KNTC1: variants seen among roughly 807,000 people sequenced by gnomAD.
KNTC1 encodes the protein kinetochore-associated protein 1.
Under a neutral mutation model 314.4 loss-of-function variants are expected in KNTC1, and 253 were observed. The observed-to-expected ratio is 0.80, with a 90% CI of 0.73 to 0.89. KNTC1 has a LOEUF of 0.89. Ranked by LOEUF, KNTC1 falls within the 40% of genes least tolerant of loss-of-function variation. KNTC1 has a pLI of 0.00. For missense variants in KNTC1, 2,475 were observed against 2,572.9 expected (o/e 0.96, Z 0.82); for synonymous variants, 901 against 901.4 (o/e 1.00, Z 0.01).
intron 31 of KNTC1, among the ~76,000 whole-genome samples, chr12:122,579,433 C>T (rs1004197926): frequency 6.6e-6 from 1 of 151,988 alleles, no homozygotes; most frequent in African/African-American, 2.4e-5. Flanking sequence ...TTTTTATTGG[C>T]GAGGCACTTA....
At chr12:122,611,019 T>A in intron 53 of KNTC1, 119 bp downstream of exon 53, 1 of 726,168 alleles carries the variant, frequency 1.4e-6, no homozygotes, top group South Asian at 1.7e-5. Flanking sequence ...CACGTACATA[T>A]GTATTCAAAG....
chr12:122,595,152 A>T (rs1947863971), intron 43 of KNTC1, among the ~76,000 whole-genome samples: 1 of 152,256 alleles, frequency 6.6e-6, no homozygotes, highest in African/African-American at 2.4e-5. Context: ...CTGGGATTAT[A>T]GGCGTGAGCC....
intron 63 of KNTC1, among the ~76,000 whole-genome samples, chr12:122,625,806 A>G (rs867215096): frequency 6.6e-6 from 1 of 152,034 alleles, no homozygotes; most frequent in African/African-American, 2.4e-5. Flanking sequence ...CTTTGATCAT[A>G]TTTTGGTAGC....
rs539348313 is a variant in KNTC1 at position 122,547,359 on chromosome 12, G to GA, written c.817-55dup. The GA allele has an allele frequency of 2.4e-3, 2,750 of 1,124,966 alleles. 39 individuals are homozygous for GA. Among genetic ancestry groups the GA allele is most frequent in the South Asian group, 0.016 (1,254 of 76,016 alleles). 69.7% of individuals were successfully genotyped at this position (1,124,966 alleles called of 1,614,324 possible). Reference sequence around the variant, plus strand: ...CATTGCACTCCAGCCTGGGCGACAAGAGCAAAACTCTGTCTCAAAAAAAAA... The same window carrying GA: ...CATTGCACTCCAGCCTGGGCGACAAGAAGCAAAACTCTGTCTCAAAAAAAAA... On this transcript the variant is annotated intron_variant, in intron 10 of 63. Transcript: ENST00000333479.
chr12:122,539,256 T>C (rs1305116879), intron 4 of KNTC1, among the ~76,000 whole-genome samples: 2 of 152,212 alleles, frequency 1.3e-5, no homozygotes, highest in Non-Finnish European at 1.5e-5. Context: ...CCCAGACATA[T>C]GAAGCCTTTG....
chr12:122,543,415 G>A (rs888681320), intron 6 of KNTC1, among the ~76,000 whole-genome samples, 185 bp from the exon 7 acceptor site: 1 of 152,150 alleles, frequency 6.6e-6, no homozygotes, highest in African/African-American at 2.4e-5. Flanking sequence ...GTATGGAGAG[G>A]TACTGGCTGG....
Position 122,538,462 on chromosome 12 carries a change from CTTG to C in KNTC1, c.366+13_366+15del, listed in dbSNP as rs1344033931. The C allele has an allele frequency of 9.4e-6, 13 of 1,386,682 alleles. No homozygotes were observed. Among genetic ancestry groups the C allele is most frequent in the Admixed American group, 4.4e-5 (2 of 45,730 alleles). The allele number at this position is 1,386,682 out of a possible 1,614,324, so 85.9% of individuals were successfully genotyped here. ...CAAACACTACTCACTAATGTAAGAT[CTTG>C]TTGTATTTTAATTTTCATTATTTAA... On this transcript the variant is annotated intron_variant, in intron 4 of 63. Transcript: ENST00000333479.
chr12:122,583,517 T>C (rs1400733403), intron 34 of KNTC1, among the ~76,000 whole-genome samples: 3 of 152,102 alleles, frequency 2.0e-5, no homozygotes, highest in East Asian at 3.9e-4. Context: ...TTTAATGGTA[T>C]CCTTAGTCAT....
At chr12:122,550,240 A>T (rs1483596659) in intron 13 of KNTC1, among the ~76,000 whole-genome samples, 1 of 151,978 alleles carries the variant, frequency 6.6e-6, no homozygotes, top group Non-Finnish European at 1.5e-5. Flanking sequence ...TTTTACACAC[A>T]CACTGTAGTT....
chr12:122,611,879 A>AT (rs1218820487), intron 53 of KNTC1: 15 of 151,830 alleles, frequency 9.9e-5, no homozygotes, highest in Admixed American at 9.8e-4. Flanking sequence ...AGTACTTGGC[A>AT]TGCAGCAAAT....
chr12:122,534,540 C>A, intron 2 of KNTC1, 124 bp from the exon 3 acceptor site: 1 of 844,774 alleles, frequency 1.2e-6, no homozygotes. Context: ...GATAGAGGGG[C>A]TAAAGAAAAA....
chr12:122,601,706 T>G, intron 45 of KNTC1, 81 bp downstream of exon 45: 1 of 1,225,830 alleles, frequency 8.2e-7, no homozygotes, highest in Non-Finnish European at 1.1e-6. Context: ...TCCAGGGCCT[T>G]TCCAAATTAT....
chr12:122,585,652 A>G lies in KNTC1; in HGVS notation c.3551A>G (p.His1184Arg), dbSNP rs772980531. Residue 1184 changes from histidine to arginine, a missense_variant, in exon 37 of 64, where the codon CAT becomes CGT. His to Arg is a conservative substitution (Grantham distance 29). Coordinates refer to ENST00000333479, the MANE Select transcript of KNTC1 (RefSeq NM_014708.6). The stretch of plus-strand genomic sequence containing the variant: ...GGCACCTAGGCTTCTTTTGGGACAC[A>G]TAAAGATCCATATGAAGAGTGGTCT... ...GILMKASFGT[H>R]KDPYEEWSYS... 1.2e-5 allele frequency: 19 copies of G among 1,613,954 alleles called. No individual in the cohort carries two copies. The highest frequency in any genetic ancestry group is 1.6e-4 in the Middle Eastern group (1 of 6,062).
At chr12:122,604,334 A>G (rs1872338781) in intron 48 of KNTC1, among the ~76,000 whole-genome samples, 1 of 151,850 alleles carries the variant, frequency 6.6e-6, no homozygotes, top group African/African-American at 2.4e-5. Context: ...TTCAGTAGAG[A>G]CAGGGTTCTT....
intron 3 of KNTC1, among the ~76,000 whole-genome samples, chr12:122,535,478 T>C (rs374872354): frequency 1.3e-5 from 2 of 152,236 alleles, no homozygotes; most frequent in African/African-American, 4.8e-5. Context: ...CCGTTTTCTC[T>C]ACTAATATAC....
chr12:122,598,498 A>G (rs893514447), intron 44 of KNTC1, among the ~76,000 whole-genome samples: 1 of 136,576 alleles, frequency 7.3e-6, no homozygotes, highest in Admixed American at 8.4e-5. Flanking sequence ...GTGACTCACT[A>G]CAGCCTCTAT....
intron 57 of KNTC1, among the ~76,000 whole-genome samples, chr12:122,617,955 C>A (rs1039279019): frequency 1.3e-5 from 2 of 152,150 alleles, no homozygotes; most frequent in Non-Finnish European, 1.5e-5. Context: ...AATTGTACAA[C>A]CATCACCATT....
Position 122,543,114 on chromosome 12 carries a change from T to C in KNTC1, c.524-486T>C, listed in dbSNP as rs532011702. On this transcript the variant is annotated intron_variant, in intron 6 of 63. Transcript: ENST00000333479. Reference sequence around the variant, plus strand: ...TTTTACTAGAGGCGGGGTTTCACCATGTTGGCCAGGCTGGTCTCGAACTCC... The same window carrying C: ...TTTTACTAGAGGCGGGGTTTCACCACGTTGGCCAGGCTGGTCTCGAACTCC... 4.4e-4 allele frequency among the ~76,000 whole-genome samples: 67 copies of C among 152,206 alleles called. 1 individual carries two copies. Among genetic ancestry groups the C allele is most frequent in the African/African-American group, 1.5e-3 (63 of 41,562 alleles).
chr12:122,553,520 C>G (rs1565948573), intron 16 of KNTC1, among the ~76,000 whole-genome samples: 1 of 151,702 alleles, frequency 6.6e-6, no homozygotes, highest in Non-Finnish European at 1.5e-5. Context: ...TCATAGTGAG[C>G]CTCTCATCTC....
Sources: gnomAD v4.1 joint callset for allele counts (sites outside exome capture counted in the v4.1 genomes callset) on GRCh38, gnomAD v4.1.1 for gene constraint, MANE v1.5 for transcripts, NCBI Gene and HGNC (gene_info 2026-07-23, HGNC 2026-07-21) for gene names.